Variants in DCDC1 observed in about 807,000 individuals in gnomAD.
DCDC1 encodes doublecortin domain containing 1, also known as doublecortin domain-containing protein 1.
In DCDC1, 200 loss-of-function variants were observed where a neutral mutation model predicts 178.3. That is an observed-to-expected ratio of 1.12 (90% CI 1.00 to 1.26). DCDC1 has a LOEUF of 1.26. Ranked by LOEUF, DCDC1 falls within the 50% of genes most tolerant of loss-of-function variation. The pLI, the probability that DCDC1 is intolerant of heterozygous loss-of-function variation, is 0.00. For missense variants in DCDC1, 1,983 were observed against 1,749.2 expected (o/e 1.13, Z -2.38); for synonymous variants, 690 against 604.8 (o/e 1.14, Z -2.07).
intron 20 of DCDC1, among the ~76,000 whole-genome samples, chr11:30,983,677 T>C (rs1950498207): frequency 6.6e-6 from 1 of 152,200 alleles, no homozygotes; most frequent in Admixed American, 6.5e-5. Flanking sequence ...AAATGCCACC[T>C]CAGCAGTGAC....
At chr11:30,907,634 A>G (rs978719022) in intron 29 of DCDC1, among the ~76,000 whole-genome samples, 18 of 152,168 alleles carry the variant, frequency 1.2e-4, no homozygotes, top group East Asian at 3.9e-4. Context: ...TGAAGAACCA[A>G]TGTTCCCAGC....
chr11:30,968,776 TCTTG>T (rs1949617854), intron 20 of DCDC1, among the ~76,000 whole-genome samples: 1 of 137,700 alleles, frequency 7.3e-6, no homozygotes, highest in Non-Finnish European at 1.6e-5. Flanking sequence ...CCACTAGGGG[TCTTG>T]AAATGTATAG....
At chr11:31,034,887 A>G (rs1456161746) in intron 20 of DCDC1, among the ~76,000 whole-genome samples, 1 of 152,184 alleles carries the variant, frequency 6.6e-6, no homozygotes, top group Non-Finnish European at 1.5e-5. Context: ...TCCATTCTGT[A>G]TACATTTTAT....
At chr11:30,910,714 G>GA (rs1185957141) in intron 28 of DCDC1, among the ~76,000 whole-genome samples, 3 of 151,208 alleles carry the variant, frequency 2.0e-5, no homozygotes, top group African/African-American at 7.3e-5. Flanking sequence ...GAGAATGACA[G>GA]AAAAATGTGA....
intron 17 of DCDC1, among the ~76,000 whole-genome samples, chr11:31,088,802 G>A (rs1343737451): frequency 2.0e-5 from 3 of 151,922 alleles, no homozygotes; most frequent in Non-Finnish European, 2.9e-5. Flanking sequence ...CTATAGCCTC[G>A]ACCTCCTGCC....
At chr11:31,190,553 T>C (rs1413442162) in intron 9 of DCDC1, among the ~76,000 whole-genome samples, 17 of 152,102 alleles carry the variant, frequency 1.1e-4, no homozygotes, top group African/African-American at 7.2e-5. Flanking sequence ...TGAATGACAC[T>C]GAACATCTTG....
At chr11:31,363,775 C>G (rs1951822710) in intron 1 of DCDC1, among the ~76,000 whole-genome samples, 1 of 151,914 alleles carries the variant, frequency 6.6e-6, no homozygotes, top group South Asian at 2.1e-4. Context: ...AATTACATGA[C>G]AAAAATAAAC....
At chr11:31,193,067 A>G (rs369562309) in intron 9 of DCDC1, among the ~76,000 whole-genome samples, 25 of 152,184 alleles carry the variant, frequency 1.6e-4, no homozygotes, top group African/African-American at 5.8e-4. Context: ...TCAGGCCTTC[A>G]GTTTCAGACT....
At position 30,931,682 on chromosome 11, in the gene DCDC1, A is replaced by G. The variant is rs1282191893; in HGVS notation, c.2897+89T>C. 7.5e-6 allele frequency: 10 copies of G among 1,335,420 alleles called. No homozygotes were observed. The African/African-American group carries it at 1.3e-4, about 18-fold the overall frequency. The allele number at this position is 1,335,420 out of a possible 1,614,324, so 82.7% of individuals were successfully genotyped here. ...AGCCCTTTTGCTAAATAAATACAGAATTCCCACAGAAAAACATCCATAATT... is the reference window on the plus strand; with the variant it reads ...AGCCCTTTTGCTAAATAAATACAGAGTTCCCACAGAAAAACATCCATAATT... On this transcript the variant is annotated intron_variant, in intron 22 of 38. Transcript: ENST00000684477.
At chr11:31,073,445 G>A (rs1485707638) in intron 18 of DCDC1, among the ~76,000 whole-genome samples, 2 of 152,186 alleles carry the variant, frequency 1.3e-5, no homozygotes, top group Non-Finnish European at 2.9e-5. Context: ...TCTGTTGACG[G>A]AAAGAGTGAG....
At chr11:31,265,854 A>T (rs1250878696) in intron 7 of DCDC1, among the ~76,000 whole-genome samples, 3 of 149,524 alleles carry the variant, frequency 2.0e-5, no homozygotes, top group Non-Finnish European at 4.5e-5. Flanking sequence ...AATACTGGTT[A>T]TCTATTATTT....
chr11:31,103,009 T>C (rs1041376592), intron 14 of DCDC1, among the ~76,000 whole-genome samples: 1 of 152,166 alleles, frequency 6.6e-6, no homozygotes. Context: ...AGTAGAGTAA[T>C]ATGGAATAAT....
intron 20 of DCDC1, among the ~76,000 whole-genome samples, chr11:31,061,594 T>G (rs1403289984): frequency 6.6e-6 from 1 of 152,044 alleles, no homozygotes; most frequent in African/African-American, 2.4e-5. Flanking sequence ...CTGGAGCCGA[T>G]CACGTATGGA....
intron 17 of DCDC1, among the ~76,000 whole-genome samples, chr11:31,082,244 A>G (rs1211474098): frequency 6.6e-6 from 1 of 152,198 alleles, no homozygotes; most frequent in Non-Finnish European, 1.5e-5. Flanking sequence ...AACGTTAACT[A>G]GACATATGAC....
chr11:31,119,772 C>A (rs572484407), intron 11 of DCDC1, among the ~76,000 whole-genome samples: 1 of 152,106 alleles, frequency 6.6e-6, no homozygotes, highest in Admixed American at 6.6e-5. Flanking sequence ...GTATTCAATG[C>A]ACAGGAAAGT....
intron 9 of DCDC1, among the ~76,000 whole-genome samples, chr11:31,221,251 G>T (rs1028905240): frequency 1.3e-5 from 2 of 152,116 alleles, no homozygotes; most frequent in Admixed American, 1.3e-4. Context: ...CAGACCCAAG[G>T]TATAATTCAA....
At chr11:30,873,360 T>TAGAGAGAGAGAGAG (rs1318294592) in intron 38 of DCDC1, among the ~76,000 whole-genome samples, 32 of 138,652 alleles carry the variant, frequency 2.3e-4, no homozygotes, top group African/African-American at 8.7e-4. Context: ...TATATATATA[T>TAGAGAGAGAGAGAG]ATATAGAGAG....
intron 1 of DCDC1, among the ~76,000 whole-genome samples, chr11:31,359,149 G>C (rs1427199245): frequency 1.3e-5 from 2 of 152,042 alleles, no homozygotes; most frequent in Non-Finnish European, 2.9e-5. Context: ...GTTTATTGTG[G>C]CACTATTCAC....
chr11:31,236,229 A>G (rs1976445869), intron 9 of DCDC1, among the ~76,000 whole-genome samples: 1 of 152,024 alleles, frequency 6.6e-6, no homozygotes, highest in African/African-American at 2.4e-5. Context: ...ATAATTACCT[A>G]TGCACAAACT....
Sources: gnomAD v4.1 joint callset for allele counts (sites outside exome capture counted in the v4.1 genomes callset) on GRCh38, gnomAD v4.1.1 for gene constraint, MANE v1.5 for transcripts, NCBI Gene and HGNC (gene_info 2026-07-23, HGNC 2026-07-21) for gene names.